The following ARHGEF38 variants were observed in gnomAD, a reference collection of about 807,000 sequenced individuals.
ARHGEF38 encodes the protein Rho guanine nucleotide exchange factor (GEF) 38.
ARHGEF38 carries 79 observed loss-of-function variants against 79.9 expected under a neutral mutation model. The observed-to-expected ratio is 0.99, with a 90% CI of 0.82 to 1.19. The LOEUF is 1.19. Ranked by LOEUF, ARHGEF38 falls within the 50% of genes most tolerant of loss-of-function variation. ARHGEF38 has a pLI of 0.00. For synonymous variants in ARHGEF38, 366 were observed against 328.3 expected (o/e 1.11, Z -1.24); for missense variants, 962 against 907.2 (o/e 1.06, Z -0.78).
In ARHGEF38 at chr4:105,629,681, C is replaced by T. The variant is rs146421590; in HGVS notation, c.509-1217C>T. ...ATAGTGTTGGGTTGAGTAGTGGATG[C>T]ATAATACTTATCTTTAAGTAATGAA... On this transcript the variant is annotated intron_variant, in intron 3 of 13. Coordinates refer to ENST00000420470, the MANE Select transcript of ARHGEF38 (RefSeq NM_001242729.2). Among the ~76,000 whole-genome samples, 299 of 151,808 alleles carry T rather than the reference C, an allele frequency of 2.0e-3. 2 individuals are homozygous for T. The highest frequency in any genetic ancestry group is 6.0e-4 in the Non-Finnish European group (41 of 67,998).
intron 2 of ARHGEF38, among the ~76,000 whole-genome samples, chr4:105,601,994 C>T (rs1224126430): frequency 6.6e-6 from 1 of 152,120 alleles, no homozygotes; most frequent in Non-Finnish European, 1.5e-5. Flanking sequence ...GCACCTAATA[C>T]AGTGCTTTAT....
chr4:105,667,352 C>T (rs10019217), intron 12 of ARHGEF38, 25 bp downstream of exon 12: 249,881 of 1,534,424 alleles, frequency 0.16, 27,194 homozygotes, highest in African/African-American at 0.56. Flanking sequence ...AGAACTACCA[C>T]TCTTCTTTAA....
At chr4:105,670,416 ATT>A (rs1271025994) in intron 13 of ARHGEF38, among the ~76,000 whole-genome samples, 1 of 151,804 alleles carries the variant, frequency 6.6e-6, no homozygotes, top group East Asian at 1.9e-4. Context: ...TCATGGGCTC[ATT>A]TGCCATTCTT....
intron 5 of ARHGEF38, among the ~76,000 whole-genome samples, chr4:105,638,221 G>GT (rs372438081): frequency 1.3e-5 from 2 of 151,764 alleles, no homozygotes; most frequent in Admixed American, 6.6e-5. Context: ...CGTTTTTTAG[G>GT]TTTTTTTTAC....
At chr4:105,573,104 T>C (rs918369736) in intron 1 of ARHGEF38, among the ~76,000 whole-genome samples, 5 of 152,210 alleles carry the variant, frequency 3.3e-5, no homozygotes, top group African/African-American at 1.2e-4. Flanking sequence ...GTTGTTGTTA[T>C]TGTTGAGTTT....
rs527706473 is a variant in ARHGEF38 at position 105,635,457 on chromosome 4, C to A, written c.657-946C>A. ...AAAATAAATGAAATAGAAAAAAAAA[C>A]CCCATGTTTTCTGTAGGAGTTAAAA... On this transcript the variant is annotated intron_variant, in intron 4 of 13. Transcript: ENST00000420470. Among the ~76,000 whole-genome samples, 501 of 151,822 alleles carry A rather than the reference C, an allele frequency of 3.3e-3. 4 individuals carry two copies. Among genetic ancestry groups the A allele is most frequent in the African/African-American group, 8.0e-3 (332 of 41,402 alleles).
intron 6 of ARHGEF38, among the ~76,000 whole-genome samples, chr4:105,645,661 T>A (rs1420036462): frequency 6.6e-6 from 1 of 152,204 alleles, no homozygotes; most frequent in Non-Finnish European, 1.5e-5. Flanking sequence ...TATTGTGGGC[T>A]GAAGAAACCC....
At chr4:105,642,067 T>G (rs563008165) in intron 5 of ARHGEF38, among the ~76,000 whole-genome samples, 1 of 152,262 alleles carries the variant, frequency 6.6e-6, no homozygotes, top group African/African-American at 2.4e-5. Context: ...GATAATTGAC[T>G]TCCTGGCTGA....
At chr4:105,613,594 C>A in intron 3 of ARHGEF38, 87 bp downstream of exon 3, 1 of 1,437,380 alleles carries the variant, frequency 7.0e-7, no homozygotes, top group Non-Finnish European at 9.6e-7. Flanking sequence ...TTGTTCCTGA[C>A]TCACCATGCT....
chr4:105,600,274 T>C (rs1390008535), intron 2 of ARHGEF38, among the ~76,000 whole-genome samples: 2 of 152,208 alleles, frequency 1.3e-5, no homozygotes, highest in African/African-American at 2.4e-5. Context: ...GAAGTGATCA[T>C]GACAGAAGGC....
chr4:105,649,352 T>G (rs576967584), intron 7 of ARHGEF38, among the ~76,000 whole-genome samples: 3 of 152,312 alleles, frequency 2.0e-5, no homozygotes, highest in African/African-American at 7.2e-5. Flanking sequence ...AAAAGCTTGC[T>G]GAAAGACAGA....
chr4:105,630,194 C>T (rs1386348444), intron 3 of ARHGEF38, among the ~76,000 whole-genome samples: 1 of 151,580 alleles, frequency 6.6e-6, no homozygotes, highest in African/African-American at 2.4e-5. Flanking sequence ...GTCAAAGTGC[C>T]AGTCTGTAGC....
chr4:105,645,997 T>G (rs1729824727), intron 6 of ARHGEF38, among the ~76,000 whole-genome samples: 1 of 152,176 alleles, frequency 6.6e-6, no homozygotes, highest in African/African-American at 2.4e-5. Flanking sequence ...TTCCTATACA[T>G]CCCAGAGGTA....
At chr4:105,586,624 T>C (rs911129948) in intron 1 of ARHGEF38, among the ~76,000 whole-genome samples, 2 of 152,206 alleles carry the variant, frequency 1.3e-5, no homozygotes. Context: ...TTTAGGGATA[T>C]TCCTTTGTCG....
rs1246055133 is a variant in ARHGEF38, at chr4:105,667,719, A to G, written c.2148+16A>G. The G allele has an allele frequency of 1.3e-6, 2 of 1,535,810 alleles. No individual in the cohort carries two copies. Among genetic ancestry groups the G allele is most frequent in the African/African-American group, 2.7e-5 (2 of 73,024 alleles). On this transcript the variant is annotated intron_variant, in intron 13 of 13. Coordinates refer to ENST00000420470, the MANE Select transcript of ARHGEF38 (RefSeq NM_001242729.2). Reference sequence around the variant, plus strand: ...AGACGAACAGGTAAAAATTTGATGTAAAAATATGTGGTTGTTCAAATCATG... The same window carrying G: ...AGACGAACAGGTAAAAATTTGATGTGAAAATATGTGGTTGTTCAAATCATG...
At chr4:105,645,011 G>T (rs1400390904) in intron 5 of ARHGEF38, among the ~76,000 whole-genome samples, 177 bp from the exon 6 acceptor site, 3 of 152,020 alleles carry the variant, frequency 2.0e-5, no homozygotes, top group African/African-American at 7.2e-5. Flanking sequence ...TCATAGTAGG[G>T]TCTTTCAGAT....
intron 1 of ARHGEF38, among the ~76,000 whole-genome samples, chr4:105,573,057 G>C (rs1162822100): frequency 2.3e-4 from 2 of 8,682 alleles, no homozygotes; most frequent in African/African-American, 1.0e-3. Flanking sequence ...ATCTATTCAA[G>C]TGCCTTTGCT....
At chr4:105,612,264 T>A (rs2110490577) in intron 2 of ARHGEF38, among the ~76,000 whole-genome samples, 1 of 152,216 alleles carries the variant, frequency 6.6e-6, no homozygotes, top group Non-Finnish European at 1.5e-5. Flanking sequence ...GTCTGCAGAA[T>A]TCCTCCATGT....
chr4:105,599,455 A>G (rs1264739279), intron 2 of ARHGEF38, among the ~76,000 whole-genome samples: 1 of 152,156 alleles, frequency 6.6e-6, no homozygotes. Flanking sequence ...TATCCAGAAA[A>G]GTCATCCCTC....
Sources: gnomAD v4.1 joint callset for allele counts (sites outside exome capture counted in the v4.1 genomes callset) on GRCh38, gnomAD v4.1.1 for gene constraint, MANE v1.5 for transcripts, NCBI Gene and HGNC (gene_info 2026-07-23, HGNC 2026-07-21) for gene names.